Variants in OSMR observed in about 807,000 individuals in gnomAD.
OSMR encodes the protein oncostatin M receptor.
Under a neutral mutation model 99.9 loss-of-function variants are expected in OSMR, and 81 were observed. That is an observed-to-expected ratio of 0.81 (90% confidence interval 0.68 to 0.97). OSMR has a LOEUF of 0.97. OSMR is among the 50% of genes least tolerant of loss of function. OSMR has a pLI of 0.00. For synonymous variants in OSMR, 406 were observed against 410.4 expected, an observed-to-expected ratio of 0.99 and a Z score of 0.13; for missense variants, 1,099 against 1,153.4, an observed-to-expected ratio of 0.95 and a Z score of 0.68.
chr5:38,863,050 G>C lies in OSMR; in HGVS notation c.-13-5982G>C, dbSNP rs530463803. ...GTGGCGGCGTGCGCCTGCAATCTCA[G>C]GCACTCGGCAGGCTGAGGCAGGAGA... On this transcript the variant is annotated intron_variant, in intron 1 of 17. Coordinates refer to ENST00000274276, the MANE Select transcript of OSMR (RefSeq NM_003999.3). Among the ~76,000 whole-genome samples the C allele has an allele frequency of 7.3e-3, 1,114 of 152,090 alleles. 4 individuals are homozygous for C. The highest frequency in any genetic ancestry group is 0.041 in the Middle Eastern group (12 of 294).
chr5:38,904,247 C>A, intron 8 of OSMR, 106 bp from the exon 9 acceptor site: 1 of 1,545,102 alleles, frequency 6.5e-7, no homozygotes, highest in South Asian at 1.2e-5. Context: ...TACTCCAGGT[C>A]AGGATTTGCT....
chr5:38,864,626 G>A (rs1163452136), intron 1 of OSMR, among the ~76,000 whole-genome samples: 2 of 150,014 alleles, frequency 1.3e-5, no homozygotes, highest in Admixed American at 1.3e-4. Flanking sequence ...TTCATTGTTA[G>A]TCTGATGGGG....
intron 1 of OSMR, among the ~76,000 whole-genome samples, chr5:38,849,569 T>G (rs939437643): frequency 6.6e-6 from 1 of 152,186 alleles, no homozygotes; most frequent in Admixed American, 6.5e-5. Flanking sequence ...TAAAACAACT[T>G]TTTTTATAAA....
At position 38,933,454 on chromosome 5, in the gene OSMR, C is replaced by T. The variant is rs111889069; in HGVS notation, c.*10C>T. 260 of 1,613,742 alleles carry T rather than the reference C, an allele frequency of 1.6e-4. 1 individual carries two copies. Among genetic ancestry groups the T allele is most frequent in the Non-Finnish European group, 2.1e-4 (249 of 1,179,856 alleles). On this transcript the variant is annotated 3_prime_UTR_variant, in exon 18 of 18. Transcript: ENST00000274276. Reference sequence around the variant, plus strand: ...TGAACACTACTGCTAACCAGCATGCCGATTTCATACCTTATGCTACACAGA... The same window carrying T: ...TGAACACTACTGCTAACCAGCATGCTGATTTCATACCTTATGCTACACAGA...
chr5:38,916,607 G>T (rs1426861101), intron 9 of OSMR, among the ~76,000 whole-genome samples: 2 of 152,060 alleles, frequency 1.3e-5, no homozygotes, highest in East Asian at 3.9e-4. Flanking sequence ...TCCCCCAAAT[G>T]GTTTAATACA....
At chr5:38,850,093 T>G (rs930217056) in intron 1 of OSMR, among the ~76,000 whole-genome samples, 8 of 152,152 alleles carry the variant, frequency 5.3e-5, no homozygotes, top group African/African-American at 1.9e-4. Flanking sequence ...ATATTTTAAA[T>G]ATAGTAGTGT....
intron 1 of OSMR, among the ~76,000 whole-genome samples, chr5:38,865,617 A>G (rs1042885641): frequency 1.3e-4 from 20 of 152,198 alleles, no homozygotes; most frequent in African/African-American, 4.8e-4. Flanking sequence ...CTGGTTGTTG[A>G]GCCCCACTGG....
intron 9 of OSMR, among the ~76,000 whole-genome samples, chr5:38,908,334 G>A (rs1241460604): frequency 6.6e-6 from 1 of 152,166 alleles, no homozygotes; most frequent in African/African-American, 2.4e-5. Context: ...GCCTCTGCCT[G>A]CATCCCCCCA....
chr5:38,903,862 C>A lies in OSMR; in HGVS notation c.992-20C>A, dbSNP rs758179929. The A allele has an allele frequency of 1.2e-6, 2 of 1,602,058 alleles. No individual in the cohort carries two copies. Among genetic ancestry groups the A allele is most frequent in the East Asian group, 2.2e-5 (1 of 44,730 alleles). On this transcript the variant is annotated intron_variant, in intron 7 of 17. Coordinates refer to ENST00000274276, the MANE Select transcript of OSMR (RefSeq NM_003999.3). ...GATCTATGCTTGAATTTTTTTGTTT[C>A]TTTTTCTTTTTTTTGACAGTTTATT...
intron 1 of OSMR, chr5:38,940,960 A>C (rs1747501755): frequency 4.3e-6 from 1 of 232,526 alleles, no homozygotes; most frequent in Admixed American, 5.6e-5. Context: ...AAGAATCCTA[A>C]TCAGTCCAGC....
chr5:38,925,649 G>C (rs957327208), intron 15 of OSMR, among the ~76,000 whole-genome samples: 1 of 152,094 alleles, frequency 6.6e-6, no homozygotes, highest in African/African-American at 2.4e-5. Flanking sequence ...CAATTCTCTG[G>C]AACTCAGTCT....
chr5:38,920,216 A>G (rs1278523581), intron 11 of OSMR, among the ~76,000 whole-genome samples: 1 of 152,132 alleles, frequency 6.6e-6, no homozygotes, highest in Non-Finnish European at 1.5e-5. Flanking sequence ...TTCTGGTGAG[A>G]GGCTCCAGCT....
At chr5:38,898,526 T>C (rs1744673027) in intron 7 of OSMR, among the ~76,000 whole-genome samples, 1 of 152,204 alleles carries the variant, frequency 6.6e-6, no homozygotes, top group Non-Finnish European at 1.5e-5. Flanking sequence ...AACAGATCAT[T>C]GGGTCTTTTG....
chr5:38,879,187 T>C (rs746662482), intron 3 of OSMR, among the ~76,000 whole-genome samples: 4 of 152,198 alleles, frequency 2.6e-5, no homozygotes, highest in Non-Finnish European at 5.9e-5. Context: ...AAAAGAGTGC[T>C]CTGAGCAGGC....
chr5:38,874,770 T>G (rs971257869), intron 2 of OSMR, among the ~76,000 whole-genome samples: 1 of 152,244 alleles, frequency 6.6e-6, no homozygotes, highest in Non-Finnish European at 1.5e-5. Context: ...AGATTCCTAT[T>G]TAATTTCACA....
intron 1 of OSMR, among the ~76,000 whole-genome samples, chr5:38,852,698 AT>A (rs1740486485): frequency 6.9e-6 from 1 of 145,184 alleles, no homozygotes; most frequent in Admixed American, 6.9e-5. Flanking sequence ...TTTGTGATAC[AT>A]ATTGAAACTA....
At chr5:38,903,829 T>G in intron 7 of OSMR, 53 bp from the exon 8 acceptor site, 1 of 1,577,550 alleles carries the variant, frequency 6.3e-7, no homozygotes, top group East Asian at 2.3e-5. Flanking sequence ...ATTACCAATG[T>G]CTTTTTGGAT....
At chr5:38,874,631 G>A (rs954155641) in intron 2 of OSMR, among the ~76,000 whole-genome samples, 17 of 152,194 alleles carry the variant, frequency 1.1e-4, no homozygotes, top group African/African-American at 4.1e-4. Context: ...GACCATGGTA[G>A]GACTTTGTTG....
In OSMR at chr5:38,932,997, G is replaced by A; in HGVS notation, c.2493G>A (p.Glu831=). The change falls in exon 18 of 18, where the codon GAG becomes GAA. Residue 831 remains glutamate, a synonymous_variant. Transcript: ENST00000274276. The stretch of plus-strand genomic sequence containing the variant: ...CTAGGAAGTCACTCACAGAAACCGA[G>A]TTGACTAAGCCTAACTACCTTTATC... ...LGTRKSLTET[E]LTKPNYLYLL... 1.9e-6 allele frequency: 3 copies of A among 1,614,158 alleles called. No homozygotes were observed. Among genetic ancestry groups the A allele is most frequent in the Non-Finnish European group, 2.5e-6 (3 of 1,180,020 alleles).
Sources: allele counts gnomAD v4.1 joint callset (sites outside exome capture counted in the v4.1 genomes callset), GRCh38; gene constraint gnomAD v4.1.1; transcripts MANE v1.5; gene names NCBI Gene and HGNC (gene_info 2026-07-23, HGNC 2026-07-21).